Variants in UNC5D observed in about 807,000 individuals in gnomAD.
UNC5D encodes the protein netrin receptor UNC5D.
A neutral mutation model predicts 105.4 loss-of-function variants in UNC5D; 39 were observed. That is an observed-to-expected ratio of 0.37 (90% CI 0.29 to 0.48). UNC5D has a LOEUF of 0.48. UNC5D is among the 20% of genes least tolerant of loss of function. The pLI is 0.98. For synonymous variants in UNC5D, 452 were observed against 450.4 expected (o/e 1.00, Z -0.04); for missense variants, 991 against 1,202.4 (o/e 0.82, Z 2.60).
intron 2 of UNC5D, among the ~76,000 whole-genome samples, chr8:35,566,421 C>T (rs909704695): frequency 1.9e-4 from 29 of 152,112 alleles, no homozygotes; most frequent in African/African-American, 6.3e-4. Context: ...ATGCTTCTAT[C>T]CCCTGAATTT....
At position 35,747,378 on chromosome 8, in the gene UNC5D, T is replaced by A. The variant is rs150817778; in HGVS notation, c.1767-1149T>A. On this transcript the variant is annotated intron_variant, in intron 11 of 16. Coordinates refer to ENST00000404895, the MANE Select transcript of UNC5D (RefSeq NM_080872.4). ...AGAAAAACTCTTTGTTTATAGAAGA[T>A]CTTGGGAAAGATGGTATCTTTTAGC... Among the ~76,000 whole-genome samples, 172 of 152,274 alleles carry A rather than the reference T, an allele frequency of 1.1e-3. 2 individuals carry two copies. The highest frequency in any genetic ancestry group is 2.9e-3 in the African/African-American group (122 of 41,554).
intron 1 of UNC5D, among the ~76,000 whole-genome samples, chr8:35,456,431 T>C (rs895561390): frequency 2.6e-5 from 4 of 152,188 alleles, no homozygotes; most frequent in Admixed American, 2.6e-4. Flanking sequence ...CTGCTGAAGG[T>C]CACAACAAGC....
chr8:35,754,119 T>G (rs1830407873), intron 13 of UNC5D, among the ~76,000 whole-genome samples: 1 of 152,318 alleles, frequency 6.6e-6, no homozygotes, highest in Non-Finnish European at 1.5e-5. Context: ...ACAGTTCCCT[T>G]TTTGAACCCC....
intron 4 of UNC5D, among the ~76,000 whole-genome samples, chr8:35,615,391 G>GC (rs1820972797): frequency 6.6e-6 from 1 of 152,074 alleles, no homozygotes; most frequent in East Asian, 1.9e-4. Context: ...GAATGTCCTT[G>GC]CCCTCATCCA....
intron 4 of UNC5D, among the ~76,000 whole-genome samples, chr8:35,651,789 A>T (rs1210428657): frequency 2.6e-5 from 4 of 152,106 alleles, no homozygotes; most frequent in Non-Finnish European, 4.4e-5. Flanking sequence ...TATTTCATGC[A>T]ATTTTGTATG....
intron 3 of UNC5D, among the ~76,000 whole-genome samples, chr8:35,571,409 GT>G (rs1443573897): frequency 1.3e-5 from 2 of 152,102 alleles, no homozygotes; most frequent in Non-Finnish European, 2.9e-5. Flanking sequence ...CAAGTGAGAG[GT>G]TTTTTAATTT....
chr8:35,514,684 G>A (rs1267112721), intron 1 of UNC5D, among the ~76,000 whole-genome samples: 3 of 152,024 alleles, frequency 2.0e-5, no homozygotes. Flanking sequence ...TCTTTCCTTA[G>A]TGGCAATTCA....
intron 1 of UNC5D, among the ~76,000 whole-genome samples, chr8:35,433,289 T>C (rs1290974107): frequency 1.3e-5 from 2 of 152,200 alleles, no homozygotes; most frequent in Admixed American, 6.5e-5. Context: ...TCTTCTTTCA[T>C]CTCAAAATGT....
At position 35,546,714 on chromosome 8, in the gene UNC5D, A is replaced by G. The variant is rs537229659; in HGVS notation, c.104-2578A>G. Among the ~76,000 whole-genome samples the G allele has an allele frequency of 7.4e-4, 112 of 152,318 alleles. 1 individual carries two copies. The highest frequency in any genetic ancestry group is 6.8e-3 in the Middle Eastern group (2 of 294). The stretch of plus-strand genomic sequence containing the variant: ...CCTGCGGGGACTTGGTATTTGTTGA[A>G]GATAGAAATTGGTATAAGCATTCAG... On this transcript the variant is annotated intron_variant, in intron 1 of 16. Coordinates refer to ENST00000404895, the MANE Select transcript of UNC5D (RefSeq NM_080872.4).
intron 1 of UNC5D, among the ~76,000 whole-genome samples, chr8:35,429,347 T>C (rs527793457): frequency 6.6e-6 from 1 of 152,086 alleles, no homozygotes; most frequent in African/African-American, 2.4e-5. Context: ...AACCTGTTTT[T>C]TTTTCTTTTT....
At chr8:35,597,845 T>G (rs1296384308) in intron 4 of UNC5D, among the ~76,000 whole-genome samples, 1 of 152,190 alleles carries the variant, frequency 6.6e-6, no homozygotes, top group Non-Finnish European at 1.5e-5. Flanking sequence ...CCTGCAAAGC[T>G]ACTCCAAAGC....
chr8:35,265,008 C>A (rs934308207), intron 1 of UNC5D, among the ~76,000 whole-genome samples: 1 of 152,122 alleles, frequency 6.6e-6, no homozygotes, highest in Non-Finnish European at 1.5e-5. Context: ...ACGCAAACCG[C>A]AAATGAAACC....
Position 35,549,401 on chromosome 8 carries a change from T to C in UNC5D, c.213T>C (p.Ile71=). Reference sequence around the variant, plus strand: ...CTTATATTATCAAGAGCAACCCTATTGCACTCAGGTGCAAAGCGAGGCCAG... The same window carrying C: ...CTTATATTATCAAGAGCAACCCTATCGCACTCAGGTGCAAAGCGAGGCCAG... ...DDAYIIKSNP[I]ALRCKARPAM... is the part of the protein sequence containing the mutation. Residue 71 remains isoleucine (I), a synonymous_variant, in exon 2 of 17, where the codon ATT becomes ATC. Coordinates refer to ENST00000404895, the MANE Select transcript of UNC5D (RefSeq NM_080872.4). 1 of 1,613,450 alleles carries C rather than the reference T, an allele frequency of 6.2e-7. No homozygotes were observed. Among genetic ancestry groups the C allele is most frequent in the East Asian group, 2.2e-5 (1 of 44,882 alleles).
intron 1 of UNC5D, chr8:35,255,300 T>C (rs1451250269): frequency 6.6e-6 from 1 of 152,188 alleles, no homozygotes; most frequent in Non-Finnish European, 1.5e-5. Flanking sequence ...AGTTGTTATT[T>C]TTAACAACTG....
In UNC5D at chr8:35,791,737, CA is replaced by C. The variant is rs1318440369; in HGVS notation, c.*1175del. 6.6e-6 allele frequency: 1 copy of C among 152,134 alleles called. No individual in the cohort carries two copies. The highest frequency in any genetic ancestry group is 2.4e-5 in the African/African-American group (1 of 41,418). 9.4% of individuals were successfully genotyped at this position (152,134 alleles called of 1,614,324 possible). A position where few individuals can be genotyped will look rare whatever the true frequency, so the allele number is the denominator to read the frequency against. On this transcript the variant is annotated 3_prime_UTR_variant, in exon 17 of 17. Coordinates refer to ENST00000404895, the MANE Select transcript of UNC5D (RefSeq NM_080872.4). The stretch of plus-strand genomic sequence containing the variant: ...ACCACAGTGTCCCTGAAACCACATG[CA>C]TCATTCAGGAAGCCTTCACCCTGTG...
chr8:35,648,536 G>A (rs370173370), intron 4 of UNC5D, among the ~76,000 whole-genome samples: 7 of 152,002 alleles, frequency 4.6e-5, no homozygotes, highest in South Asian at 2.1e-4. Flanking sequence ...AAAATTAGCC[G>A]GGTATGGTTG....
At chr8:35,681,058 T>G (rs1205501338) in intron 4 of UNC5D, among the ~76,000 whole-genome samples, 1 of 152,126 alleles carries the variant, frequency 6.6e-6, no homozygotes, top group Admixed American at 6.5e-5. Context: ...TGATGGGAAT[T>G]TAAAATACCT....
chr8:35,686,570 C>T lies in UNC5D; in HGVS notation c.945C>T (p.Ser315=), dbSNP rs200620738. The change falls in exon 7 of 17, where the codon AGC becomes AGT. Residue 315 remains serine (S), a synonymous_variant. Coordinates refer to ENST00000404895, the MANE Select transcript of UNC5D (RefSeq NM_080872.4). ...CPVDGSWEVW[S]EWSVCSPECE... ...TGGATGGGAGCTGGGAAGTGTGGAG[C>T]GAATGGTCCGTCTGCAGTCCAGAGT... 11 of 1,587,306 alleles carry T rather than the reference C, an allele frequency of 6.9e-6. No individual in the cohort carries two copies. The highest frequency in any genetic ancestry group is 4.1e-5 in the African/African-American group (3 of 72,834).
chr8:35,247,419 T>A (rs1046043569), intron 1 of UNC5D, among the ~76,000 whole-genome samples: 1 of 146,542 alleles, frequency 6.8e-6, no homozygotes, highest in Non-Finnish European at 1.5e-5. Flanking sequence ...GCCTTAAGTC[T>A]TAATCTTAAG....
Sources: gnomAD v4.1 joint callset for allele counts (sites outside exome capture counted in the v4.1 genomes callset) on GRCh38, gnomAD v4.1.1 for gene constraint, MANE v1.5 for transcripts, NCBI Gene and HGNC (gene_info 2026-07-23, HGNC 2026-07-21) for gene names.